The following ATP9B variants were observed in gnomAD, a reference collection of about 807,000 sequenced individuals.
ATP9B encodes the protein probable phospholipid-transporting ATPase IIB.
In ATP9B, 110 loss-of-function variants were observed where a neutral mutation model predicts 146.1. The ratio of observed to expected loss-of-function variants is 0.75; its 90% CI spans 0.65 to 0.88. ATP9B has a LOEUF of 0.88. Among genes scored for constraint, ATP9B ranks in the 40% least tolerant of loss-of-function variants. The pLI is 0.00. For missense variants in ATP9B, 1,499 were observed against 1,496.4 expected (o/e 1.00, Z -0.03); for synonymous variants, 604 against 569.7 (o/e 1.06, Z -0.86).
intron 11 of ATP9B, among the ~76,000 whole-genome samples, chr18:79,220,078 C>T (rs996159126): frequency 6.6e-6 from 1 of 152,082 alleles, no homozygotes; most frequent in Non-Finnish European, 1.5e-5. Context: ...CAGAGGTTTG[C>T]ATGTGGACAT....
intron 11 of ATP9B, among the ~76,000 whole-genome samples, chr18:79,241,187 T>C (rs918503256): frequency 1.3e-5 from 2 of 152,236 alleles, no homozygotes; most frequent in Non-Finnish European, 2.9e-5. Context: ...AAATCAGTTA[T>C]GCATTGATTT....
intron 1 of ATP9B, among the ~76,000 whole-genome samples, chr18:79,081,255 T>C (rs2073231244): frequency 6.6e-6 from 1 of 152,128 alleles, no homozygotes; most frequent in Non-Finnish European, 1.5e-5. Context: ...GTCGTGGGCT[T>C]TTTTTGGTTG....
chr18:79,233,552 C>T (rs778259267), intron 11 of ATP9B, among the ~76,000 whole-genome samples: 12 of 152,202 alleles, frequency 7.9e-5, no homozygotes, highest in African/African-American at 1.4e-4. Context: ...GAAAGGCACA[C>T]GCATGACACT....
intron 11 of ATP9B, among the ~76,000 whole-genome samples, chr18:79,236,139 T>C (rs577534061): frequency 6.6e-6 from 1 of 152,358 alleles, no homozygotes; most frequent in South Asian, 2.1e-4. Context: ...TCTATAATCT[T>C]GTCCACACTT....
intron 12 of ATP9B, 93 bp from the exon 13 acceptor site, chr18:79,276,961 A>C: frequency 2.0e-6 from 3 of 1,538,382 alleles, no homozygotes; most frequent in Non-Finnish European, 2.7e-6. Context: ...GGATCACACT[A>C]ACCACTGCAG....
At chr18:79,111,479 T>C (rs1381299184) in intron 3 of ATP9B, among the ~76,000 whole-genome samples, 1 of 151,310 alleles carries the variant, frequency 6.6e-6, no homozygotes, top group Non-Finnish European at 1.5e-5. Context: ...AACTAATGGC[T>C]TCATAATTAA....
chr18:79,213,802 T>G (rs2095604177), intron 10 of ATP9B, among the ~76,000 whole-genome samples, 160 bp from the exon 11 acceptor site: 1 of 152,190 alleles, frequency 6.6e-6, no homozygotes, highest in Non-Finnish European at 1.5e-5. Context: ...AAGTTGAGAT[T>G]AGATTTTCTT....
chr18:79,138,827 CATAGACTG>C (rs150305501), intron 5 of ATP9B, among the ~76,000 whole-genome samples: 37,476 of 147,798 alleles, frequency 0.25, 4,976 homozygotes, highest in East Asian at 0.5. Flanking sequence ...CTGCCGTATT[CATAGACTG>C]ATGTGGGTGG....
In ATP9B at chr18:79,377,493, A is replaced by C; in HGVS notation, c.*110A>C. On this transcript the variant is annotated 3_prime_UTR_variant, in exon 30 of 30. Transcript: ENST00000426216. ...GCCATTGCTACCAAGCAAGCACCAC[A>C]AGAAAGGGAGGGTACGCCAGGCGAG... 7.1e-7 allele frequency: 1 copy of C among 1,400,874 alleles called. No individual in the cohort carries two copies. The highest frequency in any genetic ancestry group is 9.7e-7 in the Non-Finnish European group (1 of 1,034,540). The allele number at this position is 1,400,874 out of a possible 1,614,324, so 86.8% of individuals were successfully genotyped here. A position where few individuals can be genotyped will look rare whatever the true frequency, so the allele number is the denominator to read the frequency against.
intron 26 of ATP9B, among the ~76,000 whole-genome samples, chr18:79,370,096 C>T (rs937739600): frequency 6.6e-6 from 1 of 152,016 alleles, no homozygotes; most frequent in South Asian, 2.1e-4. Context: ...AAGACTCCAT[C>T]TCAAAAAAAT....
At chr18:79,112,910 A>T (rs2093999566) in intron 3 of ATP9B, among the ~76,000 whole-genome samples, 1 of 152,158 alleles carries the variant, frequency 6.6e-6, no homozygotes, top group African/African-American at 2.4e-5. Context: ...TTTCATGTTC[A>T]TGTAAAGACT....
chr18:79,076,137 C>T (rs558448985), intron 1 of ATP9B, among the ~76,000 whole-genome samples: 4 of 152,086 alleles, frequency 2.6e-5, no homozygotes, highest in Non-Finnish European at 5.9e-5. Flanking sequence ...AAATATTTCC[C>T]TTATATACAA....
intron 9 of ATP9B, among the ~76,000 whole-genome samples, chr18:79,195,137 A>G (rs907998821): frequency 2.0e-5 from 3 of 152,224 alleles, no homozygotes; most frequent in Non-Finnish European, 2.9e-5. Flanking sequence ...CATTGAAGAC[A>G]TAGAACTTCA....
chr18:79,104,904 C>T (rs548591044), intron 2 of ATP9B, among the ~76,000 whole-genome samples: 6 of 151,986 alleles, frequency 3.9e-5, no homozygotes, highest in East Asian at 1.9e-4. Context: ...CCACCACACC[C>T]GGCTAATTTT....
intron 11 of ATP9B, among the ~76,000 whole-genome samples, chr18:79,241,412 G>T (rs2144710690): frequency 6.6e-6 from 1 of 152,284 alleles, no homozygotes; most frequent in South Asian, 2.1e-4. Flanking sequence ...CCCCCGTAGT[G>T]TGAGGACCCA....
intron 2 of ATP9B, among the ~76,000 whole-genome samples, chr18:79,103,415 C>T (rs972734162): frequency 3.3e-5 from 5 of 151,782 alleles, no homozygotes; most frequent in South Asian, 2.1e-4. Flanking sequence ...TTGTGGTGAT[C>T]GTGGAAGCCA....
chr18:79,229,591 G>C (rs1180534174), intron 11 of ATP9B, among the ~76,000 whole-genome samples: 1 of 152,192 alleles, frequency 6.6e-6, no homozygotes, highest in Non-Finnish European at 1.5e-5. Flanking sequence ...CCTTTGGAGA[G>C]AGGCAGATGA....
rs185108365 is a variant in ATP9B, at chr18:79,283,324, T to A, written c.1411+6128T>A. ...TGAGCCATAAGGCAGTTTGCAGATATCTTCCAAGTGCCTTGAGTTTCAGCT... is the reference window on the plus strand; with the variant it reads ...TGAGCCATAAGGCAGTTTGCAGATAACTTCCAAGTGCCTTGAGTTTCAGCT... On this transcript the variant is annotated intron_variant, in intron 13 of 29. Transcript: ENST00000426216. Among the ~76,000 whole-genome samples, 12 of 152,318 alleles carry A rather than the reference T, an allele frequency of 7.9e-5. No individual in the cohort carries two copies. The East Asian group carries it at 1.7e-3, about 22-fold the overall frequency.
intron 25 of ATP9B, among the ~76,000 whole-genome samples, chr18:79,348,544 C>A (rs888500732): frequency 2.6e-5 from 4 of 152,264 alleles, no homozygotes; most frequent in African/African-American, 9.6e-5. Flanking sequence ...CTGCCCTCCC[C>A]TGGCTGGGGC....
Sources: allele counts gnomAD v4.1 joint callset (sites outside exome capture counted in the v4.1 genomes callset), GRCh38; gene constraint gnomAD v4.1.1; transcripts MANE v1.5; gene names NCBI Gene and HGNC (gene_info 2026-07-23, HGNC 2026-07-21).